Variants in ESRRG observed in about 807,000 individuals in gnomAD.
ESRRG encodes estrogen related receptor gamma, also known as estrogen-related receptor gamma.
A neutral mutation model predicts 44.0 loss-of-function variants in ESRRG; 13 were observed. That is an observed-to-expected ratio of 0.30 (90% CI 0.19 to 0.47). The LOEUF (loss-of-function observed/expected upper bound fraction) is 0.47, where lower values mean the gene tolerates loss of function less well. Ranked by LOEUF, ESRRG falls within the 20% of genes least tolerant of loss-of-function variation. The pLI is 1.00. For synonymous variants in ESRRG, 215 were observed against 214.6 expected, an observed-to-expected ratio of 1.00 and a Z score of -0.02; for missense variants, 395 against 580.6, an observed-to-expected ratio of 0.68 and a Z score of 3.29.
intron 1 of ESRRG, among the ~76,000 whole-genome samples, chr1:217,022,723 A>C (rs2150938089): frequency 6.6e-6 from 1 of 152,288 alleles, no homozygotes; most frequent in South Asian, 2.1e-4. Context: ...GGCTTTAGGA[A>C]GCAATGTACA....
At chr1:216,983,030 T>A (rs1014117822) in intron 1 of ESRRG, among the ~76,000 whole-genome samples, 1 of 67,648 alleles carries the variant, frequency 1.5e-5, no homozygotes, top group Non-Finnish European at 2.8e-5. Flanking sequence ...GACTTTGAAC[T>A]GTTTTTTTTT....
At chr1:216,599,549 A>C (rs1383445986) in intron 3 of ESRRG, among the ~76,000 whole-genome samples, 2 of 152,198 alleles carry the variant, frequency 1.3e-5, no homozygotes, top group East Asian at 3.9e-4. Flanking sequence ...CCTTTCTTAC[A>C]AAGAGCCCAC....
At chr1:216,510,451 A>T (rs926211233) in intron 6 of ESRRG, among the ~76,000 whole-genome samples, 3 of 152,232 alleles carry the variant, frequency 2.0e-5, no homozygotes, top group Admixed American at 6.5e-5. Flanking sequence ...TGTCTAGTTC[A>T]GATCATTTAC....
At chr1:216,850,507 C>T (rs2095825201) in intron 2 of ESRRG, among the ~76,000 whole-genome samples, 2 of 151,954 alleles carry the variant, frequency 1.3e-5, no homozygotes, top group African/African-American at 4.8e-5. Context: ...AGAAGTTGCA[C>T]CATGTCTGGA....
chr1:216,739,943 T>C (rs997313973), intron 2 of ESRRG, among the ~76,000 whole-genome samples: 3 of 152,196 alleles, frequency 2.0e-5, no homozygotes, highest in African/African-American at 7.2e-5. Flanking sequence ...TTCCTCACTC[T>C]GTTCCCTGCA....
intron 1 of ESRRG, among the ~76,000 whole-genome samples, chr1:216,997,444 T>C (rs987178714): frequency 6.6e-6 from 1 of 152,206 alleles, no homozygotes; most frequent in African/African-American, 2.4e-5. Flanking sequence ...AGAAAAAGAA[T>C]GAACAGCTTC....
chr1:216,702,520 TG>T (rs1253311675), intron 1 of ESRRG, among the ~76,000 whole-genome samples: 1 of 150,210 alleles, frequency 6.7e-6, no homozygotes, highest in East Asian at 2.0e-4. Flanking sequence ...CCCTGCACTT[TG>T]GGAGGCCGAG....
intron 1 of ESRRG, among the ~76,000 whole-genome samples, chr1:217,107,920 A>G (rs867694720): frequency 1.4e-4 from 21 of 152,114 alleles, no homozygotes; most frequent in African/African-American, 4.6e-4. Flanking sequence ...GCATATATAG[A>G]TAAAAATCTT....
intron 3 of ESRRG, among the ~76,000 whole-genome samples, chr1:216,596,154 A>G (rs2058402717): frequency 6.6e-6 from 1 of 152,224 alleles, no homozygotes; most frequent in Admixed American, 6.5e-5. Flanking sequence ...GTTTTCCCTA[A>G]ATGCTCTAGG....
chr1:216,703,096 ACTTT>A (rs2081742948), intron 1 of ESRRG, among the ~76,000 whole-genome samples: 1 of 152,184 alleles, frequency 6.6e-6, no homozygotes. Context: ...ACATTTAATT[ACTTT>A]GTTTATCTAA....
Position 216,883,715 on chromosome 1 carries a change from C to G in ESRRG, c.-14+55867G>C, listed in dbSNP as rs1273735133. Among the ~76,000 whole-genome samples, 9 of 152,242 alleles carry G rather than the reference C, an allele frequency of 5.9e-5. No homozygotes were observed. In the East Asian group the frequency reaches 1.7e-3, roughly 29 times the overall value. On this transcript the variant is annotated intron_variant, in intron 2 of 7. Transcript: ENST00000359162. ...GCTGCTGCTCTCCAACTAATACACC[C>G]CCTAATGGTAGCACCACAAAGATTC...
At chr1:216,632,316 A>C (rs1418890064) in intron 3 of ESRRG, among the ~76,000 whole-genome samples, 1 of 152,200 alleles carries the variant, frequency 6.6e-6, no homozygotes, top group Non-Finnish European at 1.5e-5. Flanking sequence ...TCTATAGGTG[A>C]TGATAGCATT....
chr1:216,759,662 A>G (rs576239862), intron 2 of ESRRG, among the ~76,000 whole-genome samples: 14 of 152,212 alleles, frequency 9.2e-5, no homozygotes, highest in African/African-American at 3.4e-4. Flanking sequence ...TATTCATTGA[A>G]TATCTGTTAG....
At chr1:217,073,168 C>T (rs1432762232) in intron 1 of ESRRG, among the ~76,000 whole-genome samples, 1 of 120,894 alleles carries the variant, frequency 8.3e-6, no homozygotes, top group Non-Finnish European at 1.6e-5. Flanking sequence ...GAGATCTCTG[C>T]TGGCACCTTG....
chr1:216,831,179 T>C (rs1195257561), intron 2 of ESRRG, among the ~76,000 whole-genome samples: 1 of 150,774 alleles, frequency 6.6e-6, no homozygotes, highest in Admixed American at 6.6e-5. Context: ...GGAGGAGGAG[T>C]TACGTGTCTG....
chr1:217,057,120 G>A (rs1279595277), intron 1 of ESRRG, among the ~76,000 whole-genome samples: 2 of 152,178 alleles, frequency 1.3e-5, no homozygotes, highest in African/African-American at 4.8e-5. Flanking sequence ...ACTACTGAGA[G>A]TGGCTTCACA....
At chr1:216,629,573 C>A (rs994457217) in intron 3 of ESRRG, among the ~76,000 whole-genome samples, 2 of 152,080 alleles carry the variant, frequency 1.3e-5, no homozygotes, top group Non-Finnish European at 2.9e-5. Context: ...TTTTTTTCAC[C>A]AGAGCAGACT....
intron 3 of ESRRG, among the ~76,000 whole-genome samples, chr1:216,615,937 C>T (rs1216818873): frequency 6.6e-6 from 1 of 152,086 alleles, no homozygotes. Context: ...CTGCCCGCCT[C>T]GGCCTCCCAA....
chr1:217,133,331 A>G (rs1314241924), intron 1 of ESRRG, among the ~76,000 whole-genome samples: 2 of 152,278 alleles, frequency 1.3e-5, no homozygotes, highest in Non-Finnish European at 2.9e-5. Context: ...CTATGCTCCC[A>G]CCGCTACCCA....
Sources: allele counts gnomAD v4.1 joint callset (sites outside exome capture counted in the v4.1 genomes callset), GRCh38; gene constraint gnomAD v4.1.1; transcripts MANE v1.5; gene names NCBI Gene and HGNC (gene_info 2026-07-23, HGNC 2026-07-21).